SREBF2: variants seen among roughly 807,000 people sequenced by gnomAD.
SREBF2 encodes sterol regulatory element-binding protein 2.
Under a neutral mutation model 113.1 loss-of-function variants are expected in SREBF2, and 55 were observed. That is an observed-to-expected ratio of 0.49 (90% CI 0.39 to 0.61). SREBF2 has a LOEUF of 0.61. Among genes scored for constraint, SREBF2 ranks in the 20% least tolerant of loss-of-function variants. The pLI, the probability that SREBF2 is intolerant of heterozygous loss-of-function variation, is 0.00. For missense variants in SREBF2, 1,349 were observed against 1,487.4 expected (o/e 0.91, Z 1.53); for synonymous variants, 593 against 605.7 (o/e 0.98, Z 0.31).
chr22:41,861,774 T>G (rs995338679), intron 1 of SREBF2, among the ~76,000 whole-genome samples: 22 of 151,968 alleles, frequency 1.4e-4, no homozygotes, highest in African/African-American at 5.1e-4. Context: ...AATACAAAAA[T>G]TAGCAGGGCG....
intron 11 of SREBF2, among the ~76,000 whole-genome samples, chr22:41,892,600 A>G (rs2077374708): frequency 6.8e-6 from 1 of 146,102 alleles, no homozygotes; most frequent in African/African-American, 2.6e-5. Flanking sequence ...GTGAGTCGAG[A>G]TCGCGCCACT....
At position 41,866,892 on chromosome 22, in the gene SREBF2, G is replaced by A. The variant is rs372419146; in HGVS notation, c.150G>A (p.Leu50=). 4 of 1,614,070 alleles carry A rather than the reference G, an allele frequency of 2.5e-6. No homozygotes were observed. In the African/African-American group the frequency reaches 4.0e-5, roughly 16 times the overall value. Residue 50 remains leucine, a synonymous_variant, in exon 2 of 19, where the codon CTG becomes CTA. Transcript: ENST00000361204. ...TCCCTGACTTGTTTTCAGAACAGCTGTGTAGCTCCTTTCCTGGCAGTGGTG... is the reference window on the plus strand; with the variant it reads ...TCCCTGACTTGTTTTCAGAACAGCTATGTAGCTCCTTTCCTGGCAGTGGTG... ...GEFPDLFSEQ[L]CSSFPGSGGS... is the part of the protein sequence containing the mutation.
intron 13 of SREBF2, among the ~76,000 whole-genome samples, chr22:41,895,839 C>T (rs561291885): frequency 2.9e-4 from 44 of 151,852 alleles, no homozygotes; most frequent in Admixed American, 1.9e-3. Flanking sequence ...GGAGCAGGGG[C>T]CTGTTGAAAG....
At chr22:41,896,519 C>T (rs1247063491) in intron 13 of SREBF2, among the ~76,000 whole-genome samples, 4 of 152,244 alleles carry the variant, frequency 2.6e-5, no homozygotes, top group African/African-American at 9.6e-5. Flanking sequence ...GCCACCATGC[C>T]CGACTCATTT....
At chr22:41,877,560 A>G in intron 8 of SREBF2, 139 bp downstream of exon 8, 1 of 1,012,492 alleles carries the variant, frequency 9.9e-7, no homozygotes, top group Non-Finnish European at 1.5e-6. Context: ...TGCTTCTGAT[A>G]GGGACTGGCA....
rs2077211938 is a variant in SREBF2, at chr22:41,877,935, T to A, written c.1580-7T>A. Reference sequence around the variant, plus strand: ...CTAGCAGACTCTGCTGAGACGCTCCTTCTTAGGTTCTGGGGGCTGGTTTGA... The same window carrying A: ...CTAGCAGACTCTGCTGAGACGCTCCATCTTAGGTTCTGGGGGCTGGTTTGA... On this transcript the variant is annotated splice_region_variant and splice_polypyrimidine_tract_variant and intron_variant, in intron 8 of 18. Transcript: ENST00000361204. 1 of 1,614,082 alleles carries A rather than the reference T, an allele frequency of 6.2e-7. No individual in the cohort carries two copies. Among genetic ancestry groups the A allele is most frequent in the Non-Finnish European group, 8.5e-7 (1 of 1,180,032 alleles).
chr22:41,844,751 T>C (rs2076861832), intron 1 of SREBF2, among the ~76,000 whole-genome samples: 1 of 152,176 alleles, frequency 6.6e-6, no homozygotes, highest in Non-Finnish European at 1.5e-5. Context: ...GAACCAGATA[T>C]GGAACTGCTT....
rs756517508 is a variant in SREBF2, at chr22:41,902,986, C to T, written c.2924C>T (p.Thr975Ile). 1.4e-5 allele frequency: 23 copies of T among 1,611,046 alleles called. No homozygotes were observed. Among genetic ancestry groups the T allele is most frequent in the Non-Finnish European group, 1.7e-5 (20 of 1,178,988 alleles). The change falls in exon 17 of 19, where the codon ACC becomes ATC. Residue 975 changes from threonine to isoleucine, a missense_variant. By Grantham distance (89) the Thr-to-Ile change is moderately conservative. Coordinates refer to ENST00000361204, the MANE Select transcript of SREBF2 (RefSeq NM_004599.4). ...ACCCCACAGGTGGTCCAGCTGCTCA[C>T]CTGTGACCTGCTACTGTCGCTACGG... ...PALNHVVQLL[T>I]CDLLLSLRTA...
chr22:41,860,852 C>A (rs1314978086), intron 1 of SREBF2, among the ~76,000 whole-genome samples: 1 of 151,828 alleles, frequency 6.6e-6, no homozygotes, highest in African/African-American at 2.4e-5. Context: ...TGCCTTCCAG[C>A]CTGGGCAAGA....
intron 13 of SREBF2, among the ~76,000 whole-genome samples, chr22:41,896,089 CA>C (rs2077414000): frequency 6.6e-6 from 1 of 150,814 alleles, no homozygotes; most frequent in Non-Finnish European, 1.5e-5. Flanking sequence ...TGCAGTGAGC[CA>C]AGATTGCGCC....
chr22:41,887,108 G>A (rs760742612), intron 11 of SREBF2, among the ~76,000 whole-genome samples: 1 of 152,092 alleles, frequency 6.6e-6, no homozygotes, highest in Non-Finnish European at 1.5e-5. Context: ...CCAGCTACTT[G>A]GGAGGCTGAG....
At chr22:41,836,690 G>A (rs1364183249) in intron 1 of SREBF2, among the ~76,000 whole-genome samples, 1 of 152,200 alleles carries the variant, frequency 6.6e-6, no homozygotes, top group Non-Finnish European at 1.5e-5. Context: ...CTTGGGCTGG[G>A]CAGGATACTA....
intron 1 of SREBF2, among the ~76,000 whole-genome samples, chr22:41,862,825 A>G (rs1035751716): frequency 6.6e-6 from 1 of 152,164 alleles, no homozygotes; most frequent in East Asian, 1.9e-4. Flanking sequence ...TGTGCCACTC[A>G]GCCCAGTACC....
In SREBF2 at chr22:41,903,997, C is replaced by T. The variant is rs180748866; in HGVS notation, c.3093+842C>T. Among the ~76,000 whole-genome samples the T allele has an allele frequency of 7.9e-5, 12 of 152,350 alleles. No homozygotes were observed. The East Asian group carries it at 2.3e-3, about 29-fold the overall frequency. ...GGAGCGGCACCCCTGCCTCCTGGAG[C>T]CCACTCTGGTCAGCTCTCTGGTCTG... On this transcript the variant is annotated intron_variant, in intron 17 of 18. Transcript: ENST00000361204.
chr22:41,873,700 T>C, intron 4 of SREBF2, 98 bp from the exon 5 acceptor site: 1 of 1,206,398 alleles, frequency 8.3e-7, no homozygotes, highest in Non-Finnish European at 1.2e-6. Flanking sequence ...TACTGCCAGG[T>C]CTGGCAGCAC....
chr22:41,891,539 C>T (rs1378066313), intron 11 of SREBF2: 1 of 152,234 alleles, frequency 6.6e-6, no homozygotes, highest in African/African-American at 2.4e-5. Context: ...TGTCTGTGTC[C>T]TCGAGTGGCA....
At chr22:41,850,502 C>T (rs1274652028) in intron 1 of SREBF2, among the ~76,000 whole-genome samples, 1 of 151,922 alleles carries the variant, frequency 6.6e-6, no homozygotes, top group African/African-American at 2.4e-5. Context: ...TCCACACAGC[C>T]CCAAATCTCC....
intron 4 of SREBF2, among the ~76,000 whole-genome samples, chr22:41,873,467 C>G (rs1569394417): frequency 6.6e-6 from 1 of 152,210 alleles, no homozygotes; most frequent in East Asian, 1.9e-4. Context: ...CCGTGTACAA[C>G]TTTAGAAGTG....
chr22:41,893,213 T>C lies in SREBF2; in HGVS notation c.2305T>C (p.Phe769Leu). 6.2e-7 allele frequency: 1 copy of C among 1,613,942 alleles called. No homozygotes were observed. Among genetic ancestry groups the C allele is most frequent in the Non-Finnish European group, 8.5e-7 (1 of 1,179,994 alleles). Residue 769 changes from phenylalanine to leucine, a missense_variant, in exon 12 of 19, where the codon TTT becomes CTT. Physicochemically the swap from Phe to Leu is conservative, Grantham distance 22. Coordinates refer to ENST00000361204, the MANE Select transcript of SREBF2 (RefSeq NM_004599.4). ...RWLCHPLGQK[F>L]FMERSWSVKS... ...GCTCTGCCACCCCCTGGGCCAGAAG[T>C]TTTTCATGGAGCGGAGCTGGTCTGT... is the stretch of plus-strand genomic sequence containing the variant.
Sources: allele counts gnomAD v4.1 joint callset (sites outside exome capture counted in the v4.1 genomes callset), GRCh38; gene constraint gnomAD v4.1.1; transcripts MANE v1.5; gene names NCBI Gene and HGNC (gene_info 2026-07-23, HGNC 2026-07-21).